Variants in NPAS3 observed in about 807,000 individuals in gnomAD.
NPAS3 encodes the protein neuronal PAS domain protein 3, also known as neuronal PAS domain-containing protein 3.
NPAS3 carries 14 observed loss-of-function variants against 73.1 expected under a neutral mutation model. That is an observed-to-expected ratio of 0.19 (90% CI 0.13 to 0.30). The LOEUF is 0.30. Ranked by LOEUF, NPAS3 falls within the 10% of genes least tolerant of loss-of-function variation. NPAS3 has a pLI of 1.00. For missense variants in NPAS3, 1,096 were observed against 1,250.0 expected (o/e 0.88, Z 1.86); for synonymous variants, 620 against 541.5 (o/e 1.14, Z -2.01).
intron 7 of NPAS3, among the ~76,000 whole-genome samples, chr14:33,745,876 C>G (rs912674393): frequency 6.6e-6 from 1 of 152,102 alleles, no homozygotes; most frequent in Non-Finnish European, 1.5e-5. Context: ...GAAGCACATA[C>G]CAAATGGTTT....
intron 4 of NPAS3, among the ~76,000 whole-genome samples, chr14:33,423,435 A>G (rs1257686154): frequency 1.3e-5 from 2 of 152,018 alleles, no homozygotes; most frequent in Non-Finnish European, 2.9e-5. Context: ...GCTAAAAGTC[A>G]CCGAAAGCAG....
At chr14:33,131,746 T>C (rs1434277751) in intron 2 of NPAS3, among the ~76,000 whole-genome samples, 2 of 152,158 alleles carry the variant, frequency 1.3e-5, no homozygotes, top group African/African-American at 4.8e-5. Flanking sequence ...AAATGCCTAT[T>C]ATGGGCATGA....
chr14:33,167,540 C>T (rs1304729505), intron 2 of NPAS3, among the ~76,000 whole-genome samples: 1 of 152,100 alleles, frequency 6.6e-6, no homozygotes, highest in Non-Finnish European at 1.5e-5. Flanking sequence ...GTGTGGACTA[C>T]AAAATGTTGT....
At chr14:33,159,380 T>A (rs1282653802) in intron 2 of NPAS3, among the ~76,000 whole-genome samples, 1 of 152,060 alleles carries the variant, frequency 6.6e-6, no homozygotes, top group Admixed American at 6.6e-5. Flanking sequence ...TGGTTACCAA[T>A]GAACCTACAA....
intron 5 of NPAS3, among the ~76,000 whole-genome samples, chr14:33,616,708 G>A (rs1246478573): frequency 1.3e-5 from 2 of 152,204 alleles, no homozygotes; most frequent in African/African-American, 2.4e-5. Context: ...GTTCAGAAAT[G>A]TGACATGATT....
intron 1 of NPAS3, among the ~76,000 whole-genome samples, chr14:32,969,961 T>C (rs547296427): frequency 1.0e-3 from 159 of 152,280 alleles, no homozygotes; most frequent in African/African-American, 3.8e-3. Context: ...GAAAACAATA[T>C]GAAGCTAATG....
intron 3 of NPAS3, among the ~76,000 whole-genome samples, chr14:33,279,159 T>C (rs1285659418): frequency 2.0e-5 from 3 of 152,292 alleles, no homozygotes; most frequent in African/African-American, 4.8e-5. Flanking sequence ...TTCACATTTC[T>C]AACAAGTTCT....
intron 2 of NPAS3, among the ~76,000 whole-genome samples, chr14:33,123,770 CT>C (rs994932546): frequency 6.6e-6 from 1 of 151,238 alleles, no homozygotes; most frequent in Non-Finnish European, 1.5e-5. Context: ...TGTTGAGTTT[CT>C]TTTTTGGCAG....
intron 1 of NPAS3, among the ~76,000 whole-genome samples, chr14:33,051,309 G>T (rs746627918): frequency 7.4e-6 from 1 of 135,398 alleles, no homozygotes; most frequent in Non-Finnish European, 1.5e-5. Flanking sequence ...AGAGACTAAA[G>T]AACTTCCCCA....
intron 2 of NPAS3, among the ~76,000 whole-genome samples, chr14:33,080,395 C>T (rs150600861): frequency 1.5e-4 from 23 of 152,284 alleles, no homozygotes; most frequent in East Asian, 5.8e-4. Flanking sequence ...CGTGAGCCAC[C>T]GCGCCCGGCC....
chr14:33,200,671 A>C (rs935039471), intron 2 of NPAS3, among the ~76,000 whole-genome samples: 1 of 152,176 alleles, frequency 6.6e-6, no homozygotes, highest in Non-Finnish European at 1.5e-5. Flanking sequence ...AAACTGGAAG[A>C]TTTTACATTA....
chr14:33,502,840 C>T (rs2052583299), intron 4 of NPAS3, among the ~76,000 whole-genome samples: 1 of 151,918 alleles, frequency 6.6e-6, no homozygotes, highest in Non-Finnish European at 1.5e-5. Flanking sequence ...TCTTACCAAT[C>T]CGTCTCTGCA....
chr14:33,194,678 G>A (rs2046287601), intron 2 of NPAS3, among the ~76,000 whole-genome samples: 1 of 152,168 alleles, frequency 6.6e-6, no homozygotes, highest in African/African-American at 2.4e-5. Context: ...ACGTGTCAAT[G>A]AGAGGAATAA....
intron 9 of NPAS3, among the ~76,000 whole-genome samples, chr14:33,791,049 C>G (rs1004875199): frequency 1.3e-5 from 2 of 152,224 alleles, no homozygotes; most frequent in Non-Finnish European, 2.9e-5. Context: ...CCCACTGGCG[C>G]TTGGGGGTCT....
At chr14:33,123,278 G>A (rs1196751008) in intron 2 of NPAS3, among the ~76,000 whole-genome samples, 3 of 151,992 alleles carry the variant, frequency 2.0e-5, no homozygotes, top group Non-Finnish European at 4.4e-5. Flanking sequence ...GGGGATTTGG[G>A]GGACCTACTA....
chr14:33,776,035 G>C (rs2062803961), intron 8 of NPAS3, among the ~76,000 whole-genome samples: 1 of 152,202 alleles, frequency 6.6e-6, no homozygotes, highest in African/African-American at 2.4e-5. Context: ...AGCCCATGTA[G>C]TTAGCTACAT....
chr14:33,360,723 A>G (rs571363709), intron 3 of NPAS3, among the ~76,000 whole-genome samples: 1 of 152,154 alleles, frequency 6.6e-6, no homozygotes, highest in Non-Finnish European at 1.5e-5. Context: ...ACCATTTTTT[A>G]AAATTAGTAA....
chr14:33,575,947 A>C (rs995397759), intron 5 of NPAS3, among the ~76,000 whole-genome samples: 1 of 152,208 alleles, frequency 6.6e-6, no homozygotes, highest in African/African-American at 2.4e-5. Flanking sequence ...GGAAGCTAAG[A>C]AAGAATAAAT....
At chr14:33,301,798 G>A (rs970843662) in intron 3 of NPAS3, among the ~76,000 whole-genome samples, 5 of 152,224 alleles carry the variant, frequency 3.3e-5, no homozygotes, top group Admixed American at 2.0e-4. Flanking sequence ...TTTTTCTTAC[G>A]TTATACATCA....
Sources: gnomAD v4.1 joint callset for allele counts (sites outside exome capture counted in the v4.1 genomes callset) on GRCh38, gnomAD v4.1.1 for gene constraint, MANE v1.5 for transcripts, NCBI Gene and HGNC (gene_info 2026-07-23, HGNC 2026-07-21) for gene names.